CDH23: variants seen among roughly 807,000 people sequenced by gnomAD.
CDH23 encodes cadherin related 23.
In CDH23, 189 loss-of-function variants were observed where a neutral mutation model predicts 317.1. The observed-to-expected ratio is 0.60, with a 90% CI of 0.53 to 0.67. CDH23 has a LOEUF of 0.67. CDH23 is among the 30% of genes least tolerant of loss of function. The probability of loss-of-function intolerance (pLI) is 0.00; values close to 1 mark genes in which losing one functional copy is unlikely to be tolerated. For missense variants in CDH23, 4,401 were observed against 4,592.4 expected, an observed-to-expected ratio of 0.96 and a Z score of 1.20; for synonymous variants, 1,839 against 1,876.8, an observed-to-expected ratio of 0.98 and a Z score of 0.52.
intron 6 of CDH23, among the ~76,000 whole-genome samples, chr10:71,515,218 T>C (rs1328661207): frequency 6.6e-6 from 1 of 152,212 alleles, no homozygotes. Context: ...CCTCCTTAGC[T>C]GGGCAGTCTA....
intron 56 of CDH23, 81 bp from the exon 57 acceptor site, chr10:71,806,087 T>C: frequency 6.5e-7 from 1 of 1,531,604 alleles, no homozygotes; most frequent in Non-Finnish European, 8.8e-7. Context: ...GGAAAGTCCC[T>C]AGGGGAACTG....
At chr10:71,399,045 G>A (rs548632250) in intron 1 of CDH23, among the ~76,000 whole-genome samples, 7 of 152,336 alleles carry the variant, frequency 4.6e-5, no homozygotes, top group Non-Finnish European at 8.8e-5. Flanking sequence ...GGTCCTGGTT[G>A]CCTCTGGAAT....
chr10:71,707,567 G>A (rs1294460198), intron 26 of CDH23: 4 of 1,005,482 alleles, frequency 4.0e-6, no homozygotes, highest in Non-Finnish European at 4.8e-6. Flanking sequence ...CCATGTCCTG[G>A]CTCACAGGGG....
At chr10:71,468,686 T>C (rs1205605005) in intron 3 of CDH23, among the ~76,000 whole-genome samples, 2 of 152,222 alleles carry the variant, frequency 1.3e-5, no homozygotes, top group Admixed American at 6.5e-5. Context: ...CCTCAGCTTT[T>C]GGGAACTCAC....
intron 20 of CDH23, 110 bp downstream of exon 20, chr10:71,690,694 A>G: frequency 1.4e-6 from 1 of 717,268 alleles, no homozygotes; most frequent in East Asian, 2.7e-5. Context: ...TTCAGTTTTG[A>G]GCAGACCAGC....
chr10:71,554,364 ATTT>A (rs71480584), intron 6 of CDH23, among the ~76,000 whole-genome samples: 8 of 145,358 alleles, frequency 5.5e-5, no homozygotes, highest in African/African-American at 1.3e-4. Flanking sequence ...CACTGGACTA[ATTT>A]TTTTTTTTTT....
At chr10:71,786,818 C>T (rs1036866487) in intron 44 of CDH23, among the ~76,000 whole-genome samples, 15 of 151,978 alleles carry the variant, frequency 9.9e-5, no homozygotes, top group African/African-American at 3.6e-4. Context: ...CATTTTTGCC[C>T]CCACTTTTTC....
chr10:71,642,914 A>G (rs1432204170), intron 11 of CDH23, among the ~76,000 whole-genome samples: 1 of 152,244 alleles, frequency 6.6e-6, no homozygotes, highest in Non-Finnish European at 1.5e-5. Flanking sequence ...CACCTGAGGC[A>G]TGGTCTACAG....
rs545308200 is a variant in CDH23 at position 71,777,934 on chromosome 10, G to A, written c.5067+33G>A. On this transcript the variant is annotated intron_variant, in intron 39 of 69. Coordinates refer to ENST00000224721, the MANE Select transcript of CDH23 (RefSeq NM_022124.6). Reference sequence around the variant, plus strand: ...GCTGATGGCAGGATCAAGACAAGGGGCGAAACCTATCCAGGGATTGGCAAG... The same window carrying A: ...GCTGATGGCAGGATCAAGACAAGGGACGAAACCTATCCAGGGATTGGCAAG... The A allele has an allele frequency of 2.5e-6, 4 of 1,609,150 alleles. No individual in the cohort carries two copies. The South Asian group carries it at 4.4e-5, about 18-fold the overall frequency.
chr10:71,587,343 A>G (rs1300118341), intron 9 of CDH23, among the ~76,000 whole-genome samples: 1 of 152,118 alleles, frequency 6.6e-6, no homozygotes, highest in Admixed American at 6.6e-5. Flanking sequence ...TCATTCATTC[A>G]TTTGTTCATT....
At chr10:71,562,007 C>T (rs1384414969) in intron 6 of CDH23, among the ~76,000 whole-genome samples, 1 of 152,126 alleles carries the variant, frequency 6.6e-6, no homozygotes, top group Non-Finnish European at 1.5e-5. Flanking sequence ...CGAGTGTCCA[C>T]AATGGAGGTG....
chr10:71,713,522 C>T (rs188066124), intron 28 of CDH23: 48 of 527,328 alleles, frequency 9.1e-5, no homozygotes, highest in Admixed American at 2.8e-4. Context: ...CAATGCTCCC[C>T]TCCCTGCATC....
intron 38 of CDH23, among the ~76,000 whole-genome samples, chr10:71,759,702 C>T (rs1210185720): frequency 1.3e-5 from 2 of 151,670 alleles, no homozygotes; most frequent in African/African-American, 2.4e-5. Flanking sequence ...ATCCTAGCTA[C>T]TCGGGAGGCT....
chr10:71,544,076 G>A (rs1856136940), intron 6 of CDH23, among the ~76,000 whole-genome samples: 1 of 152,230 alleles, frequency 6.6e-6, no homozygotes, highest in South Asian at 2.1e-4. Flanking sequence ...AAGGAGGCAG[G>A]CCTGAGCTTT....
chr10:71,682,631 T>C, intron 18 of CDH23, 59 bp downstream of exon 18: 4 of 1,594,502 alleles, frequency 2.5e-6, no homozygotes, highest in Non-Finnish European at 3.4e-6. Context: ...GAGTGCTTCC[T>C]GTGAACCCAG....
At chr10:71,494,531 G>A (rs7913087) in intron 3 of CDH23, among the ~76,000 whole-genome samples, 5,944 of 152,232 alleles carry the variant, frequency 0.039, 405 homozygotes, top group African/African-American at 0.13. Context: ...ATTGGAGTGC[G>A]GGAATACCTT....
chr10:71,537,994 G>C (rs768173009), intron 6 of CDH23, among the ~76,000 whole-genome samples: 1 of 152,126 alleles, frequency 6.6e-6, no homozygotes, highest in Non-Finnish European at 1.5e-5. Flanking sequence ...TAAAGCTGTC[G>C]GTTTCCCTCT....
intron 12 of CDH23, 59 bp downstream of exon 12, chr10:71,643,925 T>G: frequency 1.3e-6 from 1 of 764,630 alleles, no homozygotes; most frequent in Non-Finnish European, 2.4e-6. Context: ...GTGGGCACAG[T>G]GGGGAGGGGC....
chr10:71,627,764 ACCCACACT>A (rs1313603543), intron 11 of CDH23, among the ~76,000 whole-genome samples: 1 of 152,094 alleles, frequency 6.6e-6, no homozygotes, highest in Non-Finnish European at 1.5e-5. Context: ...ACCCACGGCC[ACCCACACT>A]CCTGAGCAGG....
Sources: gnomAD v4.1 joint callset for allele counts (sites outside exome capture counted in the v4.1 genomes callset) on GRCh38, gnomAD v4.1.1 for gene constraint, MANE v1.5 for transcripts, NCBI Gene and HGNC (gene_info 2026-07-23, HGNC 2026-07-21) for gene names.